Variants in WWOX observed in about 807,000 individuals in gnomAD.
WWOX encodes the protein WW domain-containing oxidoreductase.
WWOX carries 69 observed loss-of-function variants against 46.2 expected under a neutral mutation model. The ratio of observed to expected loss-of-function variants is 1.49; its 90% CI spans 1.23 to 1.82. The LOEUF is 1.82. Ranked by LOEUF, WWOX falls within the 40% of genes most tolerant of loss-of-function variation. WWOX has a pLI of 0.00. For missense variants in WWOX, 919 were observed against 542.6 expected, an observed-to-expected ratio of 1.69 and a Z score of -6.89; for synonymous variants, 359 against 202.6, an observed-to-expected ratio of 1.77 and a Z score of -6.56.
At chr16:78,145,893 G>T (rs1387369660) in intron 4 of WWOX, 1 of 152,162 alleles carries the variant, frequency 6.6e-6, no homozygotes, top group South Asian at 2.1e-4. Context: ...TTCAGTGTAT[G>T]AGTTTGGGAT....
At chr16:78,887,761 C>T (rs954255632) in intron 8 of WWOX, among the ~76,000 whole-genome samples, 2 of 152,140 alleles carry the variant, frequency 1.3e-5, no homozygotes, top group African/African-American at 4.8e-5. Flanking sequence ...TCCCATTTGC[C>T]TTTCGGGATG....
intron 8 of WWOX, among the ~76,000 whole-genome samples, chr16:78,659,168 T>A (rs2047153550): frequency 6.6e-6 from 1 of 151,962 alleles, no homozygotes; most frequent in Non-Finnish European, 1.5e-5. Flanking sequence ...GAAATGCTCT[T>A]TAACCCAGTA....
intron 8 of WWOX, among the ~76,000 whole-genome samples, chr16:78,860,780 G>A (rs2052697934): frequency 6.6e-6 from 1 of 152,120 alleles, no homozygotes; most frequent in Admixed American, 6.5e-5. Context: ...CTAAAATTAG[G>A]GAGTTAAAAT....
intron 8 of WWOX, among the ~76,000 whole-genome samples, chr16:79,129,018 C>T (rs1567569481): frequency 6.6e-6 from 1 of 152,180 alleles, no homozygotes; most frequent in Non-Finnish European, 1.5e-5. Context: ...TGCTGGTAAA[C>T]AACAGTCCAA....
intron 5 of WWOX, among the ~76,000 whole-genome samples, chr16:78,263,776 G>A (rs779904167): frequency 6.6e-6 from 1 of 152,172 alleles, no homozygotes; most frequent in Non-Finnish European, 1.5e-5. Context: ...CCTGGAGTAA[G>A]TAGAAAGGAT....
At chr16:78,292,281 G>A (rs1222799872) in intron 5 of WWOX, among the ~76,000 whole-genome samples, 1 of 152,152 alleles carries the variant, frequency 6.6e-6, no homozygotes, top group East Asian at 1.9e-4. Context: ...ATAGTAAGGG[G>A]TATTGGTTAG....
At chr16:78,452,878 T>TATATATATATATATATATAC (rs752791786) in intron 8 of WWOX, among the ~76,000 whole-genome samples, 2,945 of 142,896 alleles carry the variant, frequency 0.021, 56 homozygotes, top group Middle Eastern at 0.041. Context: ...TATATATATA[T>TATATATATATATATATATAC]ATACATATTT....
At chr16:78,710,500 T>TATATATATATATA (rs1567507587) in intron 8 of WWOX, among the ~76,000 whole-genome samples, 6 of 68,586 alleles carry the variant, frequency 8.7e-5, no homozygotes, top group South Asian at 4.4e-4. Flanking sequence ...ATATATATAT[T>TATATATATATATA]TATATAAATA....
chr16:78,422,710 TACAC>T (rs1245741444), intron 6 of WWOX, among the ~76,000 whole-genome samples: 2 of 83,884 alleles, frequency 2.4e-5, no homozygotes, highest in Non-Finnish European at 5.2e-5. Flanking sequence ...CATATATATA[TACAC>T]ACACACATAT....
intron 8 of WWOX, among the ~76,000 whole-genome samples, chr16:79,026,453 T>G (rs1311107866): frequency 2.0e-5 from 3 of 151,654 alleles, no homozygotes; most frequent in Non-Finnish European, 2.9e-5. Context: ...GTCCCCTTCC[T>G]TCTCACATCA....
At chr16:78,392,355 C>T (rs771888479) in intron 6 of WWOX, among the ~76,000 whole-genome samples, 36 of 152,084 alleles carry the variant, frequency 2.4e-4, no homozygotes, top group Non-Finnish European at 4.7e-4. Context: ...CCTCCCATCA[C>T]CTTCAAGATG....
At chr16:78,278,726 G>C in intron 5 of WWOX, 1 of 1,442,088 alleles carries the variant, frequency 6.9e-7, no homozygotes, top group Non-Finnish European at 9.6e-7. Context: ...GGTATTTCCT[G>C]GTCTTTTCAT....
chr16:78,491,690 C>T (rs1567603725), intron 8 of WWOX, among the ~76,000 whole-genome samples: 1 of 152,150 alleles, frequency 6.6e-6, no homozygotes, highest in Non-Finnish European at 1.5e-5. Flanking sequence ...GGAGTGATTA[C>T]AGAATCCCAT....
intron 8 of WWOX, among the ~76,000 whole-genome samples, chr16:78,437,181 C>T (rs768320825): frequency 2.6e-5 from 4 of 152,212 alleles, no homozygotes; most frequent in Non-Finnish European, 5.9e-5. Flanking sequence ...CTGTAGCTGG[C>T]TCCCTTAAGT....
chr16:78,249,254 A>G (rs1361143604), intron 5 of WWOX, among the ~76,000 whole-genome samples: 6 of 152,172 alleles, frequency 3.9e-5, no homozygotes, highest in African/African-American at 1.4e-4. Flanking sequence ...GAACCCAGGA[A>G]GTCCGCCTCC....
intron 5 of WWOX, among the ~76,000 whole-genome samples, chr16:78,332,516 A>G (rs566345685): frequency 2.6e-5 from 4 of 152,300 alleles, no homozygotes; most frequent in South Asian, 4.1e-4. Flanking sequence ...GGTACATGCT[A>G]TAAGGTGAAA....
At chr16:78,156,300 GT>G (rs1236289531) in intron 4 of WWOX, among the ~76,000 whole-genome samples, 1 of 151,938 alleles carries the variant, frequency 6.6e-6, no homozygotes, top group Non-Finnish European at 1.5e-5. Context: ...GACTTAACAG[GT>G]TTGTTTGGGA....
At chr16:78,243,835 C>G (rs1296758160) in intron 5 of WWOX, among the ~76,000 whole-genome samples, 1 of 152,230 alleles carries the variant, frequency 6.6e-6, no homozygotes, top group Non-Finnish European at 1.5e-5. Context: ...GCGTGAGCCA[C>G]CGCACCTGGC....
chr16:78,513,720 G>T (rs764843755), intron 8 of WWOX, among the ~76,000 whole-genome samples: 47 of 152,146 alleles, frequency 3.1e-4, no homozygotes, highest in Non-Finnish European at 5.7e-4. Context: ...ACTTATCAGA[G>T]CCTTTGTATG....
Sources: allele counts gnomAD v4.1 joint callset (sites outside exome capture counted in the v4.1 genomes callset), GRCh38; gene constraint gnomAD v4.1.1; transcripts MANE v1.5; gene names NCBI Gene and HGNC (gene_info 2026-07-23, HGNC 2026-07-21).